The following ADCY1 variants were observed in gnomAD, a reference collection of about 807,000 sequenced individuals.
ADCY1 encodes adenylate cyclase type 1.
Under a neutral mutation model 105.4 loss-of-function variants are expected in ADCY1, and 28 were observed. The ratio of observed to expected loss-of-function variants is 0.27; its 90% CI spans 0.20 to 0.36. The LOEUF (loss-of-function observed/expected upper bound fraction) is 0.36. ADCY1 is among the 10% of genes least tolerant of loss of function. ADCY1 has a pLI of 1.00. For synonymous variants in ADCY1, 655 were observed against 623.8 expected (o/e 1.05, Z -0.75); for missense variants, 977 against 1,434.2 (o/e 0.68, Z 5.15).
Position 45,580,421 on chromosome 7 carries a change from C to T in ADCY1, c.639+5239C>T, listed in dbSNP as rs191834124. ...GCCTCCCTGCCTCTCTGCTCTGGTT[C>T]CCATGACCCCACGGTGTTTAGGTGC... On this transcript the variant is annotated intron_variant, in intron 1 of 19. Coordinates refer to ENST00000297323, the MANE Select transcript of ADCY1 (RefSeq NM_021116.4). 1.7e-3 allele frequency among the ~76,000 whole-genome samples: 266 copies of T among 152,326 alleles called. 2 individuals are homozygous for T. Among genetic ancestry groups the T allele is most frequent in the Middle Eastern group, 0.017 (5 of 294 alleles).
At chr7:45,607,235 G>A (rs1279081549) in intron 2 of ADCY1, among the ~76,000 whole-genome samples, 1 of 152,110 alleles carries the variant, frequency 6.6e-6, no homozygotes, top group Non-Finnish European at 1.5e-5. Flanking sequence ...TTTGTCTTAC[G>A]TATACATTCC....
intron 3 of ADCY1, among the ~76,000 whole-genome samples, chr7:45,612,266 A>C (rs1584269979): frequency 6.6e-6 from 1 of 152,314 alleles, no homozygotes; most frequent in East Asian, 1.9e-4. Context: ...TCTCTGCTAG[A>C]TACTTGGTTC....
At chr7:45,600,620 T>C (rs1164573024) in intron 2 of ADCY1, among the ~76,000 whole-genome samples, 1 of 152,246 alleles carries the variant, frequency 6.6e-6, no homozygotes, top group Non-Finnish European at 1.5e-5. Context: ...GGGGCTGGTG[T>C]GGTCAGCTTA....
chr7:45,587,396 G>A (rs1414694428), intron 1 of ADCY1, among the ~76,000 whole-genome samples: 1 of 152,204 alleles, frequency 6.6e-6, no homozygotes, highest in Non-Finnish European at 1.5e-5. Context: ...GCCTCACGGG[G>A]ACTTTGACTA....
intron 4 of ADCY1, among the ~76,000 whole-genome samples, chr7:45,625,110 C>T (rs1794014941): frequency 6.6e-6 from 1 of 152,210 alleles, no homozygotes; most frequent in Non-Finnish European, 1.5e-5. Flanking sequence ...GAGCTGCCTG[C>T]TGCTCATGGT....
intron 3 of ADCY1, among the ~76,000 whole-genome samples, chr7:45,620,239 G>A (rs192484320): frequency 3.5e-4 from 54 of 152,240 alleles, no homozygotes; most frequent in African/African-American, 1.3e-3. Context: ...TAGGGTCTTG[G>A]GGGAGGAAGA....
intron 4 of ADCY1, among the ~76,000 whole-genome samples, chr7:45,636,037 C>A (rs1794392820): frequency 6.6e-6 from 1 of 151,960 alleles, no homozygotes; most frequent in African/African-American, 2.4e-5. Context: ...GTTATGTCTT[C>A]TTGATAAATT....
intron 17 of ADCY1, among the ~76,000 whole-genome samples, chr7:45,706,492 C>CAAAAAAAAAAAAA (rs58794109): frequency 1.0e-4 from 6 of 59,462 alleles, no homozygotes; most frequent in Non-Finnish European, 1.5e-4. Context: ...ACATCACATG[C>CAAAAAAAAAAAAA]AAAAAAAAAA....
chr7:45,575,122 G>A lies in ADCY1; in HGVS notation c.579G>A (p.Ala193=). ...TAGGCTTTGGGCTCGTGGTGGCTGC[G>A]TCGCACTTGCTGGTCACAGCCACCT... is the stretch of plus-strand genomic sequence containing the variant. The part of the protein sequence containing the change: ...LAIGFGLVVA[A]SHLLVTATLV... Residue 193 remains alanine, a synonymous_variant, in exon 1 of 20, where the codon GCG becomes GCA. Coordinates refer to ENST00000297323, the MANE Select transcript of ADCY1 (RefSeq NM_021116.4). This position sits in a 1 kb window ranked among gnomAD's most constrained non-coding sequence, Gnocchi z 4.7. The A allele has an allele frequency of 1.9e-6, 3 of 1,612,056 alleles. No individual in the cohort carries two copies. Among genetic ancestry groups the A allele is most frequent in the Non-Finnish European group, 2.5e-6 (3 of 1,179,748 alleles).
intron 3 of ADCY1, among the ~76,000 whole-genome samples, chr7:45,618,958 T>TC (rs547983458): frequency 3.4e-4 from 52 of 152,278 alleles, no homozygotes; most frequent in African/African-American, 1.3e-3. Context: ...TGTGGAATCA[T>TC]CCTAAGTGTC....
chr7:45,628,290 C>T (rs759270338), intron 4 of ADCY1, among the ~76,000 whole-genome samples: 3 of 152,220 alleles, frequency 2.0e-5, no homozygotes, highest in Non-Finnish European at 4.4e-5. Context: ...TCCTCACACC[C>T]CAACCTTCCA....
chr7:45,652,097 G>A (rs1245283294), intron 5 of ADCY1, among the ~76,000 whole-genome samples: 10 of 152,108 alleles, frequency 6.6e-5, no homozygotes, highest in African/African-American at 2.4e-5. Context: ...TTCTCATGGC[G>A]GCAGGAGAGA....
At chr7:45,577,603 C>G (rs1792389412) in intron 1 of ADCY1, among the ~76,000 whole-genome samples, 1 of 152,238 alleles carries the variant, frequency 6.6e-6, no homozygotes, top group Non-Finnish European at 1.5e-5. Context: ...GTTGACAGCA[C>G]CTTGTCCTCC....
chr7:45,711,680 T>G (rs1054213696), intron 19 of ADCY1, among the ~76,000 whole-genome samples: 2 of 142,908 alleles, frequency 1.4e-5, no homozygotes, highest in Non-Finnish European at 3.0e-5. Context: ...TATACACATA[T>G]ATACACACAC....
In ADCY1 at chr7:45,718,001, A is replaced by C. The variant is rs548866218; in HGVS notation, c.*4006A>C. 2 of 152,300 alleles carry C rather than the reference A, an allele frequency of 1.3e-5. No homozygotes were observed. Among genetic ancestry groups the C allele is most frequent in the South Asian group, 4.2e-4 (2 of 4,800 alleles). The allele number at this position is 152,300 out of a possible 1,614,324, so 9.4% of individuals were successfully genotyped here. On this transcript the variant is annotated 3_prime_UTR_variant, in exon 20 of 20. Coordinates refer to ENST00000297323, the MANE Select transcript of ADCY1 (RefSeq NM_021116.4). ...GGGTGGTGGGAGGCGGGGAGCTGCC[A>C]CTCCCAAAGCCTCCACCCCTTCCTG...
intron 4 of ADCY1, among the ~76,000 whole-genome samples, chr7:45,625,627 G>A (rs749036068): frequency 1.3e-5 from 2 of 152,218 alleles, no homozygotes; most frequent in Non-Finnish European, 2.9e-5. Context: ...ACACACGTGT[G>A]TACATGTGTG....
chr7:45,672,488 A>G (rs113245050), intron 8 of ADCY1, among the ~76,000 whole-genome samples: 127 of 152,016 alleles, frequency 8.4e-4, no homozygotes, highest in African/African-American at 2.7e-3. Flanking sequence ...GATTCCTTAC[A>G]TCAGCATTGT....
At chr7:45,592,671 G>T in intron 1 of ADCY1, 88 bp from the exon 2 acceptor site, 1 of 1,570,452 alleles carries the variant, frequency 6.4e-7, no homozygotes, top group Middle Eastern at 1.7e-4. Context: ...CTTTTGGAGA[G>T]CTCTTGCTAT....
chr7:45,645,384 T>G lies in ADCY1; in HGVS notation c.1021-3286T>G, dbSNP rs142628517. On this transcript the variant is annotated intron_variant, in intron 4 of 19. Transcript: ENST00000297323. ...CCCAGCCAGCCCCACAGCAATGTCC[T>G]TTTCTGCGGTGGCCATGCCAAGTCT... Among the ~76,000 whole-genome samples the G allele has an allele frequency of 3.7e-4, 57 of 152,180 alleles. No homozygotes were observed. The South Asian group carries it at 5.2e-3, about 14-fold the overall frequency.
Sources: allele counts gnomAD v4.1 joint callset (sites outside exome capture counted in the v4.1 genomes callset), GRCh38; gene constraint gnomAD v4.1.1; non-coding constraint Gnocchi (gnomAD v3.1); transcripts MANE v1.5; gene names NCBI Gene and HGNC (gene_info 2026-07-23, HGNC 2026-07-21).